SCN11A: variants seen among roughly 807,000 people sequenced by gnomAD.
SCN11A encodes sodium voltage-gated channel alpha subunit 11, also known as sodium channel protein type 11 subunit alpha.
Under a neutral mutation model 162.2 loss-of-function variants are expected in SCN11A, and 122 were observed. The ratio of observed to expected loss-of-function variants is 0.75; its 90% confidence interval spans 0.65 to 0.87. The LOEUF (loss-of-function observed/expected upper bound fraction) is 0.87. SCN11A is among the 40% of genes least tolerant of loss of function. SCN11A has a pLI of 0.00. For missense variants in SCN11A, 2,015 were observed against 2,181.6 expected, an observed-to-expected ratio of 0.92 and a Z score of 1.52; for synonymous variants, 758 against 751.5, an observed-to-expected ratio of 1.01 and a Z score of -0.14.
chr3:38,968,425 T>G (rs1034464040), intron 2 of SCN11A, among the ~76,000 whole-genome samples: 2 of 152,190 alleles, frequency 1.3e-5, no homozygotes, highest in Non-Finnish European at 2.9e-5. Flanking sequence ...AAGAAAACCC[T>G]AATGGGGATA....
rs932715172 is a variant in SCN11A, at chr3:38,876,589, C to G, written c.3393+3361G>C. Among the ~76,000 whole-genome samples the G allele has an allele frequency of 2.0e-5, 3 of 152,018 alleles. No individual in the cohort carries two copies. In the South Asian group the frequency reaches 6.2e-4, roughly 32 times the overall value. ...TTCTCAAAAGAAGATTTACAAATGG[C>G]CAACAAACATAGGAAAAAATGTTCA... On this transcript the variant is annotated intron_variant, in intron 23 of 29. Transcript: ENST00000302328.
chr3:38,989,965 A>G (rs1040886529), intron 2 of SCN11A, among the ~76,000 whole-genome samples: 3 of 151,882 alleles, frequency 2.0e-5, no homozygotes, highest in African/African-American at 7.3e-5. Flanking sequence ...CACAGCTGTC[A>G]TCTTTCTCTT....
chr3:38,854,092 T>A (rs2064828344), intron 28 of SCN11A, among the ~76,000 whole-genome samples: 1 of 151,512 alleles, frequency 6.6e-6, no homozygotes, highest in African/African-American at 2.4e-5. Flanking sequence ...AAATGTTTGG[T>A]GAAAAAAAAA....
intron 15 of SCN11A, among the ~76,000 whole-genome samples, chr3:38,904,972 G>A (rs1483655786): frequency 6.6e-6 from 1 of 152,162 alleles, no homozygotes; most frequent in Non-Finnish European, 1.5e-5. Flanking sequence ...CTCTACCCAG[G>A]TGCCAGTTTA....
intron 2 of SCN11A, among the ~76,000 whole-genome samples, chr3:39,005,540 G>A (rs2125600352): frequency 6.6e-6 from 1 of 152,164 alleles, no homozygotes; most frequent in East Asian, 1.9e-4. Flanking sequence ...TCCTGCAAAG[G>A]CATTAAGTTT....
In SCN11A at chr3:38,889,674, C is replaced by T. The variant is rs368946364; in HGVS notation, c.2836-3436G>A. ...AATCAGCCGAGTGTGGTGGCCGGCG[C>T]CTGTCATCCCAGCTACTCGGGAGGC... is the stretch of plus-strand genomic sequence containing the variant. On this transcript the variant is annotated intron_variant, in intron 19 of 29. Transcript: ENST00000302328. Among the ~76,000 whole-genome samples, 9 of 151,588 alleles carry T rather than the reference C, an allele frequency of 5.9e-5. No homozygotes were observed. The East Asian group carries it at 1.8e-3, about 30-fold the overall frequency.
intron 8 of SCN11A, 75 bp downstream of exon 8, chr3:38,926,728 C>A (rs2066147597): frequency 2.0e-6 from 3 of 1,477,466 alleles, no homozygotes; most frequent in Non-Finnish European, 2.8e-6. Flanking sequence ...AATGGATCCA[C>A]ACAGAGCTCT....
chr3:39,027,758 G>A (rs560452875), intron 2 of SCN11A, among the ~76,000 whole-genome samples: 2 of 152,292 alleles, frequency 1.3e-5, no homozygotes, highest in South Asian at 4.1e-4. Context: ...CTTAGCTGGT[G>A]GCTTCTCTGG....
At position 38,926,127 on chromosome 3, in the gene SCN11A, C is replaced by A. The variant is rs544783176; in HGVS notation, c.618-618G>T. 2.1e-4 allele frequency among the ~76,000 whole-genome samples: 32 copies of A among 152,334 alleles called. No homozygotes were observed. The South Asian group carries it at 5.4e-3, about 26-fold the overall frequency. On this transcript the variant is annotated intron_variant, in intron 8 of 29. Coordinates refer to ENST00000302328, the MANE Select transcript of SCN11A (RefSeq NM_001349253.2). ...TTGTTGTGCTGGCAATGTGTCACTG[C>A]ATTTCTTATTTTTTCTTTTGCTGAC...
At chr3:38,987,173 T>C (rs1382865071) in intron 2 of SCN11A, among the ~76,000 whole-genome samples, 1 of 152,024 alleles carries the variant, frequency 6.6e-6, no homozygotes, top group East Asian at 1.9e-4. Flanking sequence ...CAGGCATTCA[T>C]CCATCTCTCC....
rs1192118831 is a variant in SCN11A at position 38,894,894 on chromosome 3, C to T, written c.2474G>A (p.Gly825Glu). 4.3e-6 allele frequency: 7 copies of T among 1,614,036 alleles called. No individual in the cohort carries two copies. In the Admixed American group the frequency reaches 6.7e-5, roughly 15 times the overall value. Reference sequence around the variant, plus strand: ...CTGGACTTTAGTTTTCCTGGCCTCTCCTTCTAAGTTTCCATTTCTTTCCTC... The same window carrying T: ...CTGGACTTTAGTTTTCCTGGCCTCTTCTTCTAAGTTTCCATTTCTTTCCTC... ...SNEERNGNLE[G>E]EARKTKVQLA... Residue 825 changes from glycine to glutamate, a missense_variant, in exon 19 of 30, where the codon GGA becomes GAA. Physicochemically the swap from Gly to Glu is moderately conservative, Grantham distance 98. Coordinates refer to ENST00000302328, the MANE Select transcript of SCN11A (RefSeq NM_001349253.2).
At chr3:39,024,394 T>C (rs1045085968) in intron 2 of SCN11A, among the ~76,000 whole-genome samples, 1 of 152,228 alleles carries the variant, frequency 6.6e-6, no homozygotes, top group African/African-American at 2.4e-5. Context: ...GGTTAGGTCT[T>C]ATGACCTACT....
rs1338340554 is a variant in SCN11A, at chr3:38,960,409, G to A, written c.-265C>T. 6.6e-6 allele frequency among the ~76,000 whole-genome samples: 1 copy of A among 152,182 alleles called. No homozygotes were observed. The highest frequency in any genetic ancestry group is 1.5e-5 in the Non-Finnish European group (1 of 68,024). ...GCAGCTGCCTGGAGCCCTTCTGGGAGGAGCGGCTTGGAGGCTGGGTGGAGA... is the reference window on the plus strand; with the variant it reads ...GCAGCTGCCTGGAGCCCTTCTGGGAAGAGCGGCTTGGAGGCTGGGTGGAGA... On this transcript the variant is annotated 5_prime_UTR_variant, in exon 3 of 30. Coordinates refer to ENST00000302328, the MANE Select transcript of SCN11A (RefSeq NM_001349253.2).
chr3:39,046,018 G>T (rs537542904), intron 1 of SCN11A, among the ~76,000 whole-genome samples: 18 of 152,286 alleles, frequency 1.2e-4, no homozygotes, highest in African/African-American at 4.1e-4. Flanking sequence ...CCAACACTTT[G>T]GGGGGCCTAA....
intron 9 of SCN11A, among the ~76,000 whole-genome samples, chr3:38,923,342 TG>T (rs1447211122): frequency 1.3e-5 from 2 of 152,198 alleles, no homozygotes; most frequent in African/African-American, 4.8e-5. Context: ...CCTTGATTCC[TG>T]AAATGGTATC....
intron 1 of SCN11A, among the ~76,000 whole-genome samples, chr3:39,051,434 A>ATG (rs2032373028): frequency 6.6e-6 from 1 of 152,106 alleles, no homozygotes; most frequent in South Asian, 2.1e-4. Flanking sequence ...CAGCTCCATC[A>ATG]TGTCCCTACA....
intron 11 of SCN11A, 108 bp from the exon 12 acceptor site, chr3:38,910,315 C>A: frequency 9.0e-7 from 1 of 1,112,056 alleles, no homozygotes; most frequent in Non-Finnish European, 1.3e-6. Context: ...ACACCAGGAG[C>A]CCTAGAGGAA....
At chr3:38,879,824 A>C in intron 23 of SCN11A, 126 bp downstream of exon 23, 5 of 705,402 alleles carry the variant, frequency 7.1e-6, no homozygotes, top group Non-Finnish European at 9.4e-6. Flanking sequence ...GTGAAGAGGC[A>C]ATGATAACAA....
chr3:38,846,400 C>G lies in SCN11A; in HGVS notation c.*294G>C. On this transcript the variant is annotated 3_prime_UTR_variant, in exon 30 of 30. Coordinates refer to ENST00000302328, the MANE Select transcript of SCN11A (RefSeq NM_001349253.2). ...GTGCTGGGATTACAGGCATGAGCCA[C>G]TGCGCCCGGCCTGAACTATTTCAAT... 1 of 321,202 alleles carries G rather than the reference C, an allele frequency of 3.1e-6. No individual in the cohort carries two copies. 19.9% of individuals were successfully genotyped at this position (321,202 alleles called of 1,614,324 possible).
Sources: allele counts gnomAD v4.1 joint callset (sites outside exome capture counted in the v4.1 genomes callset), GRCh38; gene constraint gnomAD v4.1.1; transcripts MANE v1.5; gene names NCBI Gene and HGNC (gene_info 2026-07-23, HGNC 2026-07-21).